Variants in MTFR1 observed in about 807,000 individuals in gnomAD.
MTFR1 encodes the protein chondrocyte protein with a poly-proline region.
Under a neutral mutation model 38.8 loss-of-function variants are expected in MTFR1, and 28 were observed. The observed-to-expected ratio is 0.72, with a 90% CI of 0.53 to 0.99. The LOEUF (loss-of-function observed/expected upper bound fraction) is 0.99. MTFR1 is among the 50% of genes least tolerant of loss of function. MTFR1 has a pLI of 0.00. For missense variants in MTFR1, 358 were observed against 395.5 expected (o/e 0.91, Z 0.81); for synonymous variants, 145 against 137.0 (o/e 1.06, Z -0.41).
At chr8:65,685,841 A>G (rs565658171) in intron 3 of MTFR1, among the ~76,000 whole-genome samples, 24 of 152,214 alleles carry the variant, frequency 1.6e-4, no homozygotes, top group Non-Finnish European at 2.8e-4. Context: ...AGGAGTTCTC[A>G]GGGAAGGTCT....
chr8:65,700,262 G>C (rs1344568213), intron 4 of MTFR1, among the ~76,000 whole-genome samples: 2 of 150,618 alleles, frequency 1.3e-5, no homozygotes, highest in Non-Finnish European at 3.0e-5. Flanking sequence ...GAGGTGGTAG[G>C]ATTGCTTGAG....
intron 4 of MTFR1, among the ~76,000 whole-genome samples, chr8:65,698,920 G>C (rs1042826603): frequency 5.3e-5 from 8 of 152,026 alleles, no homozygotes; most frequent in East Asian, 1.9e-4. Context: ...GTAGAGACAG[G>C]GTTTCACCAT....
chr8:65,740,647 G>A (rs569611870), intron 3 of MTFR1, among the ~76,000 whole-genome samples: 179 of 152,174 alleles, frequency 1.2e-3, no homozygotes, highest in Non-Finnish European at 2.3e-3. Context: ...TGATCCGCCC[G>A]CCTCGGCCTC....
At chr8:65,726,397 A>G (rs563593730) in intron 3 of MTFR1, among the ~76,000 whole-genome samples, 1 of 151,900 alleles carries the variant, frequency 6.6e-6, no homozygotes, top group South Asian at 2.1e-4. Flanking sequence ...TAGAAGTGTG[A>G]CTCCAGGATT....
chr8:65,652,578 G>T (rs1809152574), intron 1 of MTFR1, among the ~76,000 whole-genome samples: 1 of 152,062 alleles, frequency 6.6e-6, no homozygotes, highest in Non-Finnish European at 1.5e-5. Context: ...CTTTCACTTT[G>T]ATTTCACTTT....
At chr8:65,747,877 T>C in intron 3 of MTFR1, 1 of 835,034 alleles carries the variant, frequency 1.2e-6, no homozygotes, top group Non-Finnish European at 1.9e-6. Flanking sequence ...ATACCACTTT[T>C]AGTTATGTAC....
At chr8:65,724,858 CTCATTCTGGCGACTG>C (rs1455361719) in intron 3 of MTFR1, 1 of 1,610,774 alleles carries the variant, frequency 6.2e-7, no homozygotes, top group Non-Finnish European at 8.5e-7. Flanking sequence ...AAGACAGATA[CTCATTCTGGCGACTG>C]ATGTCTGTGG....
chr8:65,719,752 C>A, intron 3 of MTFR1: 1 of 461,218 alleles, frequency 2.2e-6, no homozygotes, highest in Non-Finnish European at 3.9e-6. Context: ...TCTGGTTATC[C>A]TTCTCAGTGG....
intron 1 of MTFR1, among the ~76,000 whole-genome samples, chr8:65,661,142 A>G (rs902893604): frequency 1.3e-5 from 2 of 152,224 alleles, no homozygotes; most frequent in African/African-American, 4.8e-5. Context: ...AATGGTGGAT[A>G]CATATCATTA....
intron 7 of MTFR1, 83 bp from the exon 8 acceptor site, chr8:65,708,893 C>G: frequency 7.3e-7 from 1 of 1,370,444 alleles, no homozygotes; most frequent in Non-Finnish European, 1.0e-6. Flanking sequence ...ACCCAGCCCT[C>G]TAATCCATGA....
At chr8:65,655,088 A>C (rs1416223428) in intron 1 of MTFR1, among the ~76,000 whole-genome samples, 1 of 152,182 alleles carries the variant, frequency 6.6e-6, no homozygotes, top group Non-Finnish European at 1.5e-5. Context: ...ATTATTTTAA[A>C]ATTTATGCCT....
chr8:65,681,112 C>T (rs1804873451), intron 2 of MTFR1, among the ~76,000 whole-genome samples: 1 of 151,666 alleles, frequency 6.6e-6, no homozygotes, highest in South Asian at 2.1e-4. Context: ...CGGGGTTTCA[C>T]CTTGTTAGCC....
At chr8:65,771,706 C>G (rs947899600), downstream of MTFR1, among the ~76,000 whole-genome samples, 1 of 151,754 alleles carries the variant, frequency 6.6e-6, no homozygotes, top group Non-Finnish European at 1.5e-5. Context: ...GAAACCCCAT[C>G]TCTACTAAAA....
chr8:65,724,114 A>ATGTATATCTATTGTGAAT (rs1806507903), intron 3 of MTFR1: 2 of 570,194 alleles, frequency 3.5e-6, no homozygotes, highest in Non-Finnish European at 6.3e-6. Flanking sequence ...TATTGATTAG[A>ATGTATATCTATTGTGAAT]TGTATATCTA....
rs1179188061 is a variant in MTFR1, at chr8:65,660,245, CA to C, written c.-80-9627del. On this transcript the variant is annotated intron_variant, in intron 1 of 7. Coordinates refer to ENST00000262146, the MANE Select transcript of MTFR1 (RefSeq NM_014637.4). Reference sequence around the variant, plus strand: ...GGTGGAGGTTGTGGTGAGCCAAGATCATGCCATTGTACTCCAGCCTGGGCAA... The same window carrying C: ...GGTGGAGGTTGTGGTGAGCCAAGATCTGCCATTGTACTCCAGCCTGGGCAA... Among the ~76,000 whole-genome samples the C allele has an allele frequency of 1.1e-4, 15 of 140,752 alleles. No individual in the cohort carries two copies. In the Admixed American group the frequency reaches 1.1e-3, roughly 11 times the overall value. The allele number at this position is 140,752 out of a possible 152,430, so 92.3% of individuals were successfully genotyped here.
chr8:65,665,284 G>GT (rs1021077261), intron 1 of MTFR1, among the ~76,000 whole-genome samples: 8 of 151,900 alleles, frequency 5.3e-5, no homozygotes, highest in African/African-American at 1.5e-4. Context: ...CTCCTTGCCT[G>GT]TTTTTTTGCC....
At position 65,769,104 on chromosome 8, in the gene MTFR1, C is replaced by T. The variant is rs1015721365; in HGVS notation, c.*49-1843C>T. On this transcript the variant is annotated intron_variant, in intron 3 of 3. Transcript: ENST00000521247. ...CTCTACTAAAAATACAAAAATTAGC[C>T]GGGCGTGATGGCAGGCGCCTGTAAT... is the stretch of plus-strand genomic sequence containing the variant. 2.6e-5 allele frequency among the ~76,000 whole-genome samples: 4 copies of T among 151,882 alleles called. No individual in the cohort carries two copies. In the South Asian group the frequency reaches 6.2e-4, roughly 24 times the overall value.
intron 2 of MTFR1, among the ~76,000 whole-genome samples, chr8:65,675,956 A>T (rs575966889): frequency 2.6e-5 from 4 of 152,338 alleles, no homozygotes; most frequent in African/African-American, 9.6e-5. Flanking sequence ...GATTAATTTC[A>T]GTATTTTATA....
intron 3 of MTFR1, chr8:65,727,146 T>C (rs766114093): frequency 7.4e-7 from 1 of 1,351,134 alleles, no homozygotes; most frequent in Non-Finnish European, 1.1e-6. Flanking sequence ...AAATAATAAA[T>C]CTTGATGATA....
Sources: allele counts gnomAD v4.1 joint callset (sites outside exome capture counted in the v4.1 genomes callset), GRCh38; gene constraint gnomAD v4.1.1; transcripts MANE v1.5; gene names NCBI Gene and HGNC (gene_info 2026-07-23, HGNC 2026-07-21).